The following TRIOBP variants were observed in gnomAD, a reference collection of about 807,000 sequenced individuals.
The protein encoded by TRIOBP is TRIO and F-actin binding protein.
A neutral mutation model predicts 238.8 loss-of-function variants in TRIOBP; 169 were observed. That is an observed-to-expected ratio of 0.71 (90% confidence interval 0.62 to 0.80). TRIOBP has a LOEUF of 0.80. TRIOBP is among the 30% of genes least tolerant of loss of function. The pLI is 0.00. For synonymous variants in TRIOBP, 1,150 were observed against 1,274.4 expected (o/e 0.90, Z 2.08); for missense variants, 2,838 against 3,122.6 (o/e 0.91, Z 2.17).
At chr22:37,699,235 C>G (rs942954308) in intron 2 of TRIOBP, among the ~76,000 whole-genome samples, 1 of 152,176 alleles carries the variant, frequency 6.6e-6, no homozygotes, top group Non-Finnish European at 1.5e-5. Context: ...TGACTTTAGG[C>G]TGTTCACGTT....
intron 7 of TRIOBP, among the ~76,000 whole-genome samples, chr22:37,731,726 T>G (rs1014276690): frequency 2.6e-5 from 4 of 152,010 alleles, no homozygotes; most frequent in African/African-American, 9.7e-5. Flanking sequence ...CAAAGTGCTG[T>G]GATTAGAGGC....
intron 7 of TRIOBP, among the ~76,000 whole-genome samples, chr22:37,732,162 G>T (rs1924455690): frequency 6.6e-6 from 1 of 152,208 alleles, no homozygotes; most frequent in Non-Finnish European, 1.5e-5. Context: ...TTAGGTAGAG[G>T]AAGGGAGAGA....
At chr22:37,761,076 C>T (rs1436058627) in intron 17 of TRIOBP, among the ~76,000 whole-genome samples, 1 of 151,948 alleles carries the variant, frequency 6.6e-6, no homozygotes, top group Non-Finnish European at 1.5e-5. Flanking sequence ...TGAGGGGGCT[C>T]TCAGGAAGGC....
chr22:37,717,187 C>T (rs868725637), intron 6 of TRIOBP, among the ~76,000 whole-genome samples: 8 of 151,994 alleles, frequency 5.3e-5, no homozygotes, highest in African/African-American at 1.5e-4. Context: ...CTTAAGGAGA[C>T]GCGTCCGCAG....
chr22:37,759,720 C>A, intron 17 of TRIOBP: 2 of 1,476,586 alleles, frequency 1.4e-6, no homozygotes, highest in South Asian at 1.3e-5. Context: ...CCTCCAGTAG[C>A]CCTCAGAGAA....
chr22:37,768,960 C>T, intron 19 of TRIOBP, 68 bp from the exon 20 acceptor site: 3 of 1,609,000 alleles, frequency 1.9e-6, no homozygotes, highest in Middle Eastern at 1.9e-4. Flanking sequence ...TTAAGTCTAC[C>T]TGACTGGACT....
rs536087914 is a variant in TRIOBP at position 37,725,743 on chromosome 22, G to T, written c.3187G>T (p.Val1063Leu). The T allele has an allele frequency of 6.2e-7, 1 of 1,612,048 alleles. No individual in the cohort carries two copies. The change falls in exon 7 of 24, where the codon GTG (valine) becomes TTG (leucine). Residue 1063 changes from valine to leucine, a missense_variant. Transcript: ENST00000644935. ...CGAGCCTCCCTATATACCACCTGCT[G>T]TGTGCATTGGACACCGAGATGCCCC... ...HHEPPYIPPA[V>L]CIGHRDAPRA...
chr22:37,704,904 CAAAAAAAAA>C (rs55816795), intron 3 of TRIOBP, among the ~76,000 whole-genome samples: 1 of 131,326 alleles, frequency 7.6e-6, no homozygotes, highest in Non-Finnish European at 1.6e-5. Flanking sequence ...CCATTTCTAC[CAAAAAAAAA>C]AAAAAAAAAA....
At position 37,735,350 on chromosome 22, in the gene TRIOBP, G is replaced by A. The variant is rs200045032; in HGVS notation, c.5014G>A (p.Gly1672Arg). 1 of 1,613,048 alleles carries A rather than the reference G, an allele frequency of 6.2e-7. No individual in the cohort carries two copies. ...GTGGCCAAAGATCAAAGTGACAAGA[G>A]GACCAGCGACCGCAACTCTGGCAGG... ...TQWPKIKVTR[G>R]PATATLAGLE... The change falls in exon 9 of 24, where the codon GGA becomes AGA. Residue 1672 changes from glycine (G) to arginine (R), a missense_variant. Gly to Arg is a moderately radical substitution (Grantham distance 125). Coordinates refer to ENST00000644935, the MANE Select transcript of TRIOBP (RefSeq NM_001039141.3).
intron 11 of TRIOBP, among the ~76,000 whole-genome samples, chr22:37,745,846 C>A (rs1452892820): frequency 6.6e-6 from 1 of 152,212 alleles, no homozygotes; most frequent in African/African-American, 2.4e-5. Flanking sequence ...CTAGCGGACC[C>A]ATCGCTCCGG....
chr22:37,755,417 A>T lies in TRIOBP; in HGVS notation c.5578-133A>T, dbSNP rs141491603. On this transcript the variant is annotated intron_variant, in intron 14 of 23. Coordinates refer to ENST00000644935, the MANE Select transcript of TRIOBP (RefSeq NM_001039141.3). Reference sequence around the variant, plus strand: ...CAGGCCAATGGAAGGGAGGTTTTGTACCCCCTGCCCACCCCAGACTCAAGA... The same window carrying T: ...CAGGCCAATGGAAGGGAGGTTTTGTTCCCCCTGCCCACCCCAGACTCAAGA... 5.6e-5 allele frequency: 53 copies of T among 954,632 alleles called. No individual in the cohort carries two copies. The East Asian group carries it at 1.4e-3, about 25-fold the overall frequency. 59.1% of individuals were successfully genotyped at this position (954,632 alleles called of 1,614,324 possible). A position where few individuals can be genotyped will look rare whatever the true frequency, so the allele number is the denominator to read the frequency against.
At chr22:37,729,041 G>A (rs28655197) in intron 7 of TRIOBP, among the ~76,000 whole-genome samples, 6 of 151,888 alleles carry the variant, frequency 4.0e-5, no homozygotes, top group Non-Finnish European at 7.4e-5. Flanking sequence ...TCAGCCTCCC[G>A]AGGAGCTGGG....
At chr22:37,727,542 C>A (rs1252257186) in intron 7 of TRIOBP, among the ~76,000 whole-genome samples, 1 of 152,032 alleles carries the variant, frequency 6.6e-6, no homozygotes, top group Non-Finnish European at 1.5e-5. Flanking sequence ...GTGGCGGGCG[C>A]CTGTAGTCCC....
At chr22:37,773,034 G>A (rs1207210519) in intron 23 of TRIOBP, among the ~76,000 whole-genome samples, 2 of 152,204 alleles carry the variant, frequency 1.3e-5, no homozygotes, top group Non-Finnish European at 2.9e-5. Flanking sequence ...CCCCCTTCTT[G>A]GGGCTGGAGG....
chr22:37,735,172 G>C lies in TRIOBP; in HGVS notation c.4836G>C (p.Glu1612Asp). 6.2e-7 allele frequency: 1 copy of C among 1,610,024 alleles called. No homozygotes were observed. ...RDDLARALGP[E>D]LGPPGTNDVP... The stretch of plus-strand genomic sequence containing the variant: ...ACCTGGCCAGGGCTTTAGGGCCAGA[G>C]CTGGGTCCCCCAGGCACAAACGATG... Residue 1612 changes from glutamate (E) to aspartate (D), a missense_variant, in exon 9 of 24, where the codon GAG (glutamate) becomes GAC (aspartate). Physicochemically the swap from Glu to Asp is conservative, Grantham distance 45. Coordinates refer to ENST00000644935, the MANE Select transcript of TRIOBP (RefSeq NM_001039141.3).
At chr22:37,700,302 T>C (rs1235755861) in intron 2 of TRIOBP, among the ~76,000 whole-genome samples, 2 of 149,082 alleles carry the variant, frequency 1.3e-5, no homozygotes, top group Non-Finnish European at 3.0e-5. Context: ...GGTCTTGCTA[T>C]GTTGCCTAGG....
At chr22:37,699,042 G>T (rs1433697571) in intron 2 of TRIOBP, among the ~76,000 whole-genome samples, 1 of 152,102 alleles carries the variant, frequency 6.6e-6, no homozygotes, top group Non-Finnish European at 1.5e-5. Context: ...TACTGGGGAG[G>T]CTGAGGTAGA....
chr22:37,714,732 A>G (rs1923429342), intron 5 of TRIOBP, among the ~76,000 whole-genome samples: 1 of 151,198 alleles, frequency 6.6e-6, no homozygotes. Context: ...ACTGGAATGC[A>G]ATGATGTGAA....
chr22:37,703,503 C>CTT lies in TRIOBP; in HGVS notation c.114+2042_114+2043dup, dbSNP rs372141125. Among the ~76,000 whole-genome samples the CTT allele has an allele frequency of 7.3e-3, 907 of 124,512 alleles. 16 individuals carry two copies. Among genetic ancestry groups the CTT allele is most frequent in the African/African-American group, 0.022 (740 of 33,942 alleles). The allele number at this position is 124,512 out of a possible 152,430, so 81.7% of individuals were successfully genotyped here. Reference sequence around the variant, plus strand: ...ATTCCCATTGGGGTCTGAAGGTCCTCTTTTTTTTTTTTTTTTTTTGAGACA... The same window carrying CTT: ...ATTCCCATTGGGGTCTGAAGGTCCTCTTTTTTTTTTTTTTTTTTTTTGAGACA... On this transcript the variant is annotated intron_variant, in intron 3 of 23. Coordinates refer to ENST00000644935, the MANE Select transcript of TRIOBP (RefSeq NM_001039141.3).
Sources: gnomAD v4.1 joint callset for allele counts (sites outside exome capture counted in the v4.1 genomes callset) on GRCh38, gnomAD v4.1.1 for gene constraint, MANE v1.5 for transcripts, NCBI Gene and HGNC (gene_info 2026-07-23, HGNC 2026-07-21) for gene names.